Variants in SHISA9 observed in about 807,000 individuals in gnomAD.
SHISA9 encodes the protein shisa family member 9, also known as protein shisa-9.
In SHISA9, 13 loss-of-function variants were observed where a neutral mutation model predicts 38.0. That is an observed-to-expected ratio of 0.34 (90% CI 0.22 to 0.54). The LOEUF is 0.54. Among genes scored for constraint, SHISA9 ranks in the 20% least tolerant of loss-of-function variants. The probability of loss-of-function intolerance (pLI) is 0.91; values close to 1 mark genes in which losing one functional copy is unlikely to be tolerated. For missense variants in SHISA9, 538 were observed against 575.8 expected (o/e 0.93, Z 0.67); for synonymous variants, 275 against 242.0 (o/e 1.14, Z -1.27).
the SHISA9 span, among the ~76,000 whole-genome samples, chr16:13,278,563 T>G: frequency 6.6e-6 from 1 of 152,024 alleles, no homozygotes; most frequent in African/African-American, 2.4e-5. Flanking sequence ...TTTTTGTTGG[T>G]AATTTTTAAA....
chr16:13,283,973 C>T, the SHISA9 span, among the ~76,000 whole-genome samples: 4 of 152,268 alleles, frequency 2.6e-5, no homozygotes, highest in African/African-American at 9.6e-5. Flanking sequence ...CAGCCATACA[C>T]TTACAAGTGA....
At chr16:12,954,297 T>C (rs1397261914) in intron 2 of SHISA9, among the ~76,000 whole-genome samples, 6 of 152,166 alleles carry the variant, frequency 3.9e-5, no homozygotes, top group Non-Finnish European at 7.3e-5. Flanking sequence ...TAACAACTTA[T>C]GAAACAGCAA....
chr16:13,227,551 G>A (rs1373805510), intron 4 of SHISA9, among the ~76,000 whole-genome samples: 1 of 152,182 alleles, frequency 6.6e-6, no homozygotes. Flanking sequence ...ACAACCTTGG[G>A]CCAGAGATGC....
intron 2 of SHISA9, among the ~76,000 whole-genome samples, chr16:13,012,372 T>C (rs1411899991): frequency 2.0e-5 from 3 of 151,772 alleles, no homozygotes; most frequent in Non-Finnish European, 4.4e-5. Context: ...CAGGGAATAT[T>C]TGGGGGAAGA....
At chr16:13,015,973 TCC>T (rs1301705717) in intron 2 of SHISA9, among the ~76,000 whole-genome samples, 1 of 47,484 alleles carries the variant, frequency 2.1e-5, no homozygotes, top group African/African-American at 7.2e-5. Context: ...TCCCTTCCCT[TCC>T]CTTCCCTTCC....
At chr16:13,438,072 G>T in the SHISA9 span, among the ~76,000 whole-genome samples, 43 of 152,104 alleles carry the variant, frequency 2.8e-4, no homozygotes, top group Admixed American at 1.7e-3. Flanking sequence ...CACCATGCTG[G>T]CCAGGCTGGT....
chr16:13,520,197 C>G, the SHISA9 span, among the ~76,000 whole-genome samples: 1 of 152,308 alleles, frequency 6.6e-6, no homozygotes, highest in South Asian at 2.1e-4. Flanking sequence ...GAGGAAACAG[C>G]AGCTTCTGCC....
the SHISA9 span, among the ~76,000 whole-genome samples, chr16:13,403,049 A>T: frequency 2.0e-5 from 3 of 152,060 alleles, no homozygotes; most frequent in Non-Finnish European, 2.9e-5. Flanking sequence ...GGTTGCAGTA[A>T]GCCGAGATCG....
At chr16:13,551,833 C>G in the SHISA9 span, among the ~76,000 whole-genome samples, 3 of 152,152 alleles carry the variant, frequency 2.0e-5, no homozygotes, top group Admixed American at 2.0e-4. Context: ...TCAAGACCAG[C>G]CTGGCCAGCA....
the SHISA9 span, among the ~76,000 whole-genome samples, chr16:13,338,689 C>T: frequency 6.6e-6 from 1 of 152,098 alleles, no homozygotes; most frequent in Non-Finnish European, 1.5e-5. Context: ...AAAGATTAGG[C>T]CCATGTTTTC....
the SHISA9 span, among the ~76,000 whole-genome samples, chr16:13,268,493 A>G: frequency 2.6e-5 from 4 of 151,762 alleles, no homozygotes; most frequent in Admixed American, 2.6e-4. Context: ...TGGGTGACAA[A>G]AGCAAAACTC....
At chr16:13,210,609 A>G (rs1055616355) in intron 3 of SHISA9, among the ~76,000 whole-genome samples, 2 of 152,152 alleles carry the variant, frequency 1.3e-5, no homozygotes, top group African/African-American at 4.8e-5. Flanking sequence ...AAACCCTAAA[A>G]GCCATACATG....
the SHISA9 span, among the ~76,000 whole-genome samples, chr16:13,272,818 A>G: frequency 2.0e-5 from 3 of 152,132 alleles, no homozygotes; most frequent in Non-Finnish European, 4.4e-5. Context: ...CTTCTTCTTT[A>G]CAATCTACCC....
chr16:13,499,909 G>A, the SHISA9 span, among the ~76,000 whole-genome samples: 1 of 152,170 alleles, frequency 6.6e-6, no homozygotes, highest in Non-Finnish European at 1.5e-5. Flanking sequence ...CGATGTGCCT[G>A]GTACTGTGCT....
In SHISA9 at chr16:12,927,574, A is replaced by C. The variant is rs563905651; in HGVS notation, c.691+10759A>C. Reference sequence around the variant, plus strand: ...CAATCATGTCAGCTAATTTTTTTTGATTTTTTTTTTTTTTTGTAGAGACAG... The same window carrying C: ...CAATCATGTCAGCTAATTTTTTTTGCTTTTTTTTTTTTTTTGTAGAGACAG... On this transcript the variant is annotated intron_variant, in intron 2 of 4. Coordinates refer to ENST00000558583, the MANE Select transcript of SHISA9 (RefSeq NM_001145204.3). 7.8e-4 allele frequency among the ~76,000 whole-genome samples: 106 copies of C among 136,346 alleles called. No homozygotes were observed. In the East Asian group the frequency reaches 8.8e-3, roughly 11 times the overall value. 89.4% of individuals were successfully genotyped at this position (136,346 alleles called of 152,430 possible).
At chr16:13,122,789 G>A (rs1343629671) in intron 2 of SHISA9, among the ~76,000 whole-genome samples, 2 of 152,184 alleles carry the variant, frequency 1.3e-5, no homozygotes, top group East Asian at 1.9e-4. Context: ...ATTCACACTG[G>A]TAATCCTAGC....
chr16:13,215,103 T>C (rs972979482), intron 4 of SHISA9, among the ~76,000 whole-genome samples: 1 of 151,420 alleles, frequency 6.6e-6, no homozygotes. Flanking sequence ...GAGAAGAAAA[T>C]GGGAGTGGAA....
chr16:13,537,656 C>A, the SHISA9 span, among the ~76,000 whole-genome samples: 3 of 152,026 alleles, frequency 2.0e-5, no homozygotes, highest in Non-Finnish European at 2.9e-5. Context: ...GAATTTTTGG[C>A]GGCCGTGGGA....
chr16:13,051,802 A>G (rs975167664), intron 2 of SHISA9, among the ~76,000 whole-genome samples: 2 of 150,240 alleles, frequency 1.3e-5, no homozygotes, highest in East Asian at 2.0e-4. Flanking sequence ...GTCTTGCTCT[A>G]TCACCAGGCT....
Sources: allele counts gnomAD v4.1 joint callset (sites outside exome capture counted in the v4.1 genomes callset), GRCh38; gene constraint gnomAD v4.1.1; transcripts MANE v1.5; gene names NCBI Gene and HGNC (gene_info 2026-07-23, HGNC 2026-07-21).